SREBF2: variants seen among roughly 807,000 people sequenced by gnomAD.
SREBF2 encodes sterol regulatory element binding transcription factor 2, also known as sterol regulatory element-binding protein 2.
In SREBF2, 55 loss-of-function variants were observed where a neutral mutation model predicts 113.1. That is an observed-to-expected ratio of 0.49 (90% confidence interval 0.39 to 0.61). The LOEUF (loss-of-function observed/expected upper bound fraction) is 0.61, where lower values mean the gene tolerates loss of function less well. SREBF2 is among the 20% of genes least tolerant of loss of function. The pLI, the probability that SREBF2 is intolerant of heterozygous loss-of-function variation, is 0.00. For missense variants in SREBF2, 1,349 were observed against 1,487.4 expected, an observed-to-expected ratio of 0.91 and a Z score of 1.53; for synonymous variants, 593 against 605.7, an observed-to-expected ratio of 0.98 and a Z score of 0.31.
At chr22:41,882,671 T>G (rs1392038288) in intron 10 of SREBF2, among the ~76,000 whole-genome samples, 1 of 152,162 alleles carries the variant, frequency 6.6e-6, no homozygotes, top group Non-Finnish European at 1.5e-5. Context: ...CCGGGTGTGG[T>G]GGCACGTGCC....
chr22:41,865,146 A>C (rs544602328), intron 1 of SREBF2, among the ~76,000 whole-genome samples: 44 of 149,696 alleles, frequency 2.9e-4, no homozygotes, highest in South Asian at 1.1e-3. Context: ...TCCCCCAAAA[A>C]ACACACACAC....
intron 13 of SREBF2, among the ~76,000 whole-genome samples, chr22:41,895,211 C>T (rs2077402709): frequency 6.6e-6 from 1 of 150,552 alleles, no homozygotes; most frequent in African/African-American, 2.5e-5. Context: ...GCAATCTTGG[C>T]ACACTGCAAG....
At chr22:41,882,452 C>G (rs952179409) in intron 10 of SREBF2, among the ~76,000 whole-genome samples, 1 of 152,110 alleles carries the variant, frequency 6.6e-6, no homozygotes, top group Non-Finnish European at 1.5e-5. Flanking sequence ...GCAAGGGAGC[C>G]TATGAGAGTG....
intron 1 of SREBF2, among the ~76,000 whole-genome samples, chr22:41,838,207 C>T (rs1307206466): frequency 1.3e-5 from 2 of 152,158 alleles, no homozygotes; most frequent in African/African-American, 4.8e-5. Flanking sequence ...AGATGGGTGG[C>T]AGGAGCAGCC....
chr22:41,851,312 T>A (rs890739982), intron 1 of SREBF2, among the ~76,000 whole-genome samples: 1 of 152,132 alleles, frequency 6.6e-6, no homozygotes, highest in African/African-American at 2.4e-5. Flanking sequence ...ATTCAAAGGT[T>A]TAATTGGAAT....
chr22:41,884,367 T>C (rs746307248), intron 10 of SREBF2, among the ~76,000 whole-genome samples: 6 of 152,198 alleles, frequency 3.9e-5, no homozygotes, highest in Non-Finnish European at 5.9e-5. Flanking sequence ...GAACTCCTGA[T>C]CTTAAGTGAT....
intron 1 of SREBF2, among the ~76,000 whole-genome samples, chr22:41,865,587 G>T (rs2077067577): frequency 1.3e-5 from 2 of 152,138 alleles, no homozygotes; most frequent in Non-Finnish European, 2.9e-5. Context: ...CCTTTGGGCT[G>T]GGAATTTAAG....
intron 14 of SREBF2, 81 bp downstream of exon 14, chr22:41,897,242 G>T (rs913231689): frequency 4.5e-5 from 39 of 875,108 alleles, no homozygotes; most frequent in Non-Finnish European, 5.0e-5. Context: ...GGTCCAGGGC[G>T]TTAGGAGTGT....
intron 11 of SREBF2, among the ~76,000 whole-genome samples, chr22:41,892,620 C>T (rs1000012020): frequency 2.1e-5 from 3 of 145,668 alleles, no homozygotes; most frequent in Non-Finnish European, 4.4e-5. Flanking sequence ...TGCACTCCAG[C>T]CTGGGCGACA....
intron 5 of SREBF2, 39 bp from the exon 6 acceptor site, chr22:41,875,298 C>T (rs1354382603): frequency 1.3e-6 from 2 of 1,540,588 alleles, no homozygotes; most frequent in Non-Finnish European, 1.8e-6. Context: ...CTGTAGCCTG[C>T]ACTGGTCTCA....
Position 41,904,847 on chromosome 22 carries a change from C to G in SREBF2, c.3094-16C>G, listed in dbSNP as rs775747610. The G allele has an allele frequency of 1.3e-6, 2 of 1,568,382 alleles. No individual in the cohort carries two copies. Among genetic ancestry groups the G allele is most frequent in the South Asian group, 2.3e-5 (2 of 85,678 alleles). The stretch of plus-strand genomic sequence containing the variant: ...GGACCAGGGGTGTGATGGATGTCAC[C>G]CCGGCACCTCCCCAGGTGTTCCTGC... On this transcript the variant is annotated splice_polypyrimidine_tract_variant and intron_variant, in intron 17 of 18. Transcript: ENST00000361204.
At chr22:41,875,019 A>C (rs2077181834) in intron 5 of SREBF2, among the ~76,000 whole-genome samples, 1 of 152,220 alleles carries the variant, frequency 6.6e-6, no homozygotes, top group South Asian at 2.1e-4. Flanking sequence ...AGTGGGAACA[A>C]TAGCTAATAT....
At chr22:41,846,531 A>G (rs1330572781) in intron 1 of SREBF2, among the ~76,000 whole-genome samples, 1 of 152,188 alleles carries the variant, frequency 6.6e-6, no homozygotes, top group African/African-American at 2.4e-5. Flanking sequence ...AAAGTGGCAA[A>G]TGCCCACCAT....
intron 4 of SREBF2, 37 bp from the exon 5 acceptor site, chr22:41,873,761 A>T (rs1056813136): frequency 1.9e-6 from 3 of 1,561,942 alleles, no homozygotes; most frequent in Non-Finnish European, 2.6e-6. Context: ...CAGACTAACA[A>T]AGGGATCATT....
At chr22:41,846,771 G>T (rs938632343) in intron 1 of SREBF2, among the ~76,000 whole-genome samples, 4 of 152,012 alleles carry the variant, frequency 2.6e-5, no homozygotes, top group African/African-American at 9.7e-5. Context: ...CTTTTCATCC[G>T]TTAAGCTCGG....
rs560832497 is a variant in SREBF2, at chr22:41,885,153, T to C, written c.2208+142T>C. Reference sequence around the variant, plus strand: ...GGTAGGCAGGCATTCATTCAGTCGCTCATTTCACCAGGACTCCCAGCAACC... The same window carrying C: ...GGTAGGCAGGCATTCATTCAGTCGCCCATTTCACCAGGACTCCCAGCAACC... On this transcript the variant is annotated intron_variant, in intron 11 of 18. Coordinates refer to ENST00000361204, the MANE Select transcript of SREBF2 (RefSeq NM_004599.4). 14 of 1,051,320 alleles carry C rather than the reference T, an allele frequency of 1.3e-5. No homozygotes were observed. In the East Asian group the frequency reaches 3.4e-4, roughly 25 times the overall value. 65.1% of individuals were successfully genotyped at this position (1,051,320 alleles called of 1,614,324 possible).
At chr22:41,868,944 T>C (rs2148380068) in intron 3 of SREBF2, 152 bp downstream of exon 3, 2 of 956,890 alleles carry the variant, frequency 2.1e-6, no homozygotes, top group Non-Finnish European at 3.2e-6. Context: ...CAGCGTATAG[T>C]GACCTGGCTG....
chr22:41,857,206 A>T (rs888435006), intron 1 of SREBF2, among the ~76,000 whole-genome samples: 1 of 152,206 alleles, frequency 6.6e-6, no homozygotes, highest in African/African-American at 2.4e-5. Context: ...AGGTAAATCC[A>T]TGATGCTAAG....
In SREBF2 at chr22:41,877,112, A is replaced by C. The variant is rs957968040; in HGVS notation, c.1387-117A>C. On this transcript the variant is annotated intron_variant, in intron 7 of 18. Coordinates refer to ENST00000361204, the MANE Select transcript of SREBF2 (RefSeq NM_004599.4). Reference sequence around the variant, plus strand: ...CAGTTCCCATCTGGCCTTAGTCCTGAGTTAATCGACTTGAATTTAAACCTC... The same window carrying C: ...CAGTTCCCATCTGGCCTTAGTCCTGCGTTAATCGACTTGAATTTAAACCTC... 9.7e-5 allele frequency: 104 copies of C among 1,071,038 alleles called. 1 individual carries two copies. Among genetic ancestry groups the C allele is most frequent in the Admixed American group, 2.2e-4 (11 of 50,396 alleles). The allele number at this position is 1,071,038 out of a possible 1,614,324, so 66.3% of individuals were successfully genotyped here.
Sources: allele counts gnomAD v4.1 joint callset (sites outside exome capture counted in the v4.1 genomes callset), GRCh38; gene constraint gnomAD v4.1.1; transcripts MANE v1.5; gene names NCBI Gene and HGNC (gene_info 2026-07-23, HGNC 2026-07-21).